Variants in GAS2 observed in about 807,000 individuals in gnomAD.
GAS2 encodes growth arrest-specific protein 2.
A neutral mutation model predicts 37.5 loss-of-function variants in GAS2; 20 were observed. The ratio of observed to expected loss-of-function variants is 0.53; its 90% CI spans 0.37 to 0.77. GAS2 has a LOEUF of 0.77. Ranked by LOEUF, GAS2 falls within the 30% of genes least tolerant of loss-of-function variation. The pLI, the probability that GAS2 is intolerant of heterozygous loss-of-function variation, is 0.00. For synonymous variants in GAS2, 144 were observed against 132.2 expected (o/e 1.09, Z -0.61); for missense variants, 336 against 373.4 (o/e 0.90, Z 0.82).
At chr11:22,709,663 A>G (rs1031814807) in intron 3 of GAS2, among the ~76,000 whole-genome samples, 3 of 152,200 alleles carry the variant, frequency 2.0e-5, no homozygotes, top group Non-Finnish European at 2.9e-5. Flanking sequence ...ATTACTGGGT[A>G]TATACCCAAA....
chr11:22,788,112 G>A (rs1855904969), intron 7 of GAS2, among the ~76,000 whole-genome samples: 1 of 152,098 alleles, frequency 6.6e-6, no homozygotes, highest in South Asian at 2.1e-4. Flanking sequence ...GTAGCACTAC[G>A]TCTGCTCTAT....
At chr11:22,689,069 C>T (rs537191956) in intron 3 of GAS2, among the ~76,000 whole-genome samples, 1 of 152,108 alleles carries the variant, frequency 6.6e-6, no homozygotes, top group South Asian at 2.1e-4. Flanking sequence ...TAAGTGGGAG[C>T]TAAACACTGA....
intron 7 of GAS2, among the ~76,000 whole-genome samples, chr11:22,760,118 A>C (rs1854292988): frequency 6.7e-6 from 1 of 148,704 alleles, no homozygotes; most frequent in Non-Finnish European, 1.5e-5. Flanking sequence ...CATCACACCC[A>C]ACTAATTTTT....
At chr11:22,646,594 G>A (rs1174171565) in intron 1 of GAS2, among the ~76,000 whole-genome samples, 1 of 152,182 alleles carries the variant, frequency 6.6e-6, no homozygotes, top group Non-Finnish European at 1.5e-5. Flanking sequence ...AAGGAAATAT[G>A]CAACTGAAAC....
intron 7 of GAS2, among the ~76,000 whole-genome samples, chr11:22,792,558 A>T (rs555719886): frequency 6.6e-6 from 1 of 152,368 alleles, no homozygotes; most frequent in East Asian, 1.9e-4. Context: ...CAAAGAGTCA[A>T]CATGGGAGCT....
At chr11:22,697,605 C>T (rs1163597883) in intron 3 of GAS2, among the ~76,000 whole-genome samples, 1 of 152,110 alleles carries the variant, frequency 6.6e-6, no homozygotes, top group African/African-American at 2.4e-5. Flanking sequence ...TTGTTTGTAT[C>T]CTCTTTTATT....
intron 7 of GAS2, among the ~76,000 whole-genome samples, chr11:22,789,405 T>C (rs551414091): frequency 2.6e-4 from 32 of 121,344 alleles, no homozygotes; most frequent in Non-Finnish European, 4.4e-4. Context: ...TGTGTGTGTA[T>C]GTGTGTGTAT....
chr11:22,667,954 T>G (rs907058419), intron 1 of GAS2, among the ~76,000 whole-genome samples: 2 of 152,226 alleles, frequency 1.3e-5, no homozygotes, highest in African/African-American at 4.8e-5. Context: ...CAAGGTTAGA[T>G]CAGTTGTGTA....
chr11:22,783,427 G>T (rs886707472), intron 7 of GAS2, among the ~76,000 whole-genome samples: 1 of 151,962 alleles, frequency 6.6e-6, no homozygotes, highest in Non-Finnish European at 1.5e-5. Flanking sequence ...CTCTTCTTTC[G>T]TAGAAGCTCT....
At chr11:22,638,957 C>G (rs1204851501) in intron 1 of GAS2, among the ~76,000 whole-genome samples, 1 of 151,874 alleles carries the variant, frequency 6.6e-6, no homozygotes, top group African/African-American at 2.4e-5. Flanking sequence ...TATACTGATC[C>G]CAACTCCACT....
intron 3 of GAS2, among the ~76,000 whole-genome samples, chr11:22,697,784 A>G (rs1282479876): frequency 6.6e-6 from 1 of 152,178 alleles, no homozygotes; most frequent in Admixed American, 6.5e-5. Flanking sequence ...TGATTTTTGT[A>G]CATTGATTTT....
At chr11:22,774,075 C>A (rs994201260) in intron 7 of GAS2, among the ~76,000 whole-genome samples, 2 of 152,094 alleles carry the variant, frequency 1.3e-5, no homozygotes, top group African/African-American at 4.8e-5. Context: ...CTCACTGCAA[C>A]CTCCGCCTCC....
intron 1 of GAS2, among the ~76,000 whole-genome samples, chr11:22,649,632 T>A (rs146225487): frequency 0.24 from 36,287 of 152,094 alleles, 5,663 homozygotes; most frequent in African/African-American, 0.44. Flanking sequence ...AACTTCTTCC[T>A]GGTTTAGTCT....
chr11:22,763,042 G>C (rs1457463695), intron 7 of GAS2, among the ~76,000 whole-genome samples: 2 of 152,092 alleles, frequency 1.3e-5, no homozygotes, highest in Non-Finnish European at 2.9e-5. Flanking sequence ...TATTTTTCTA[G>C]TTTAAGAAAT....
At chr11:22,640,718 T>C (rs1230219916) in intron 1 of GAS2, among the ~76,000 whole-genome samples, 4 of 152,214 alleles carry the variant, frequency 2.6e-5, no homozygotes, top group African/African-American at 9.6e-5. Context: ...TAATCACCTG[T>C]ATTCATATTA....
chr11:22,690,725 T>G (rs1400490359), intron 3 of GAS2, among the ~76,000 whole-genome samples: 1 of 152,158 alleles, frequency 6.6e-6, no homozygotes, highest in African/African-American at 2.4e-5. Flanking sequence ...AGGTTAGGTT[T>G]TATGTCTTTT....
intron 7 of GAS2, among the ~76,000 whole-genome samples, chr11:22,789,457 C>CTTTTTT (rs71037529): frequency 3.2e-5 from 1 of 31,408 alleles, no homozygotes; most frequent in African/African-American, 1.3e-4. Context: ...TATATATATT[C>CTTTTTT]TTTTTTTTTT....
chr11:22,761,410 T>A (rs1344019438), intron 7 of GAS2, among the ~76,000 whole-genome samples: 1 of 152,144 alleles, frequency 6.6e-6, no homozygotes. Flanking sequence ...ATAATAAAAA[T>A]TTCTGACAAA....
chr11:22,635,428 C>T (rs1347858125), intron 1 of GAS2, among the ~76,000 whole-genome samples: 1 of 152,206 alleles, frequency 6.6e-6, no homozygotes, highest in Non-Finnish European at 1.5e-5. Context: ...CCCCTACACA[C>T]TTGTTAAGGC....
Sources: gnomAD v4.1 joint callset for allele counts (sites outside exome capture counted in the v4.1 genomes callset) on GRCh38, gnomAD v4.1.1 for gene constraint, MANE v1.5 for transcripts, NCBI Gene and HGNC (gene_info 2026-07-23, HGNC 2026-07-21) for gene names.